SYT2: variants seen among roughly 807,000 people sequenced by gnomAD.
The protein encoded by SYT2 is synaptotagmin 2.
A neutral mutation model predicts 39.9 loss-of-function variants in SYT2; 15 were observed. The observed-to-expected ratio is 0.38, with a 90% CI of 0.25 to 0.58. The LOEUF is 0.58. Among genes scored for constraint, SYT2 ranks in the 20% least tolerant of loss-of-function variants. The pLI is 0.70. For synonymous variants in SYT2, 181 were observed against 204.5 expected, an observed-to-expected ratio of 0.89 and a Z score of 0.98; for missense variants, 389 against 530.3, an observed-to-expected ratio of 0.73 and a Z score of 2.62.
rs547323175 is a variant in SYT2, at chr1:202,637,818, A to T, written c.-17-32029T>A. 1.1e-3 allele frequency among the ~76,000 whole-genome samples: 162 copies of T among 152,256 alleles called. 1 individual carries two copies. Among genetic ancestry groups the T allele is most frequent in the South Asian group, 2.7e-3 (13 of 4,824 alleles). ...TACTCTGGCTTTCTGGTCTCCAAGGACTGCCGGCCCTGATGATCAATTTGG... is the reference window on the plus strand; with the variant it reads ...TACTCTGGCTTTCTGGTCTCCAAGGTCTGCCGGCCCTGATGATCAATTTGG... On this transcript the variant is annotated intron_variant, in intron 1 of 8. Transcript: ENST00000367268.
intron 1 of SYT2, among the ~76,000 whole-genome samples, chr1:202,647,795 T>A (rs1692117216): frequency 6.6e-6 from 1 of 152,102 alleles, no homozygotes; most frequent in South Asian, 2.1e-4. Context: ...TCACTAGTGC[T>A]AAGAGAGACC....
At chr1:202,646,262 T>C (rs766232222) in intron 1 of SYT2, among the ~76,000 whole-genome samples, 68 of 152,228 alleles carry the variant, frequency 4.5e-4, no homozygotes, top group Non-Finnish European at 4.6e-4. Context: ...ACTGTCTCCT[T>C]GCAGGGCCCA....
At position 202,592,611 on chromosome 1, in the gene SYT2, A is replaced by G. The variant is rs757751204; in HGVS notation, c.*4146T>C. On this transcript the variant is annotated 3_prime_UTR_variant, in exon 9 of 9. Coordinates refer to ENST00000367268, the MANE Select transcript of SYT2 (RefSeq NM_177402.5). The stretch of plus-strand genomic sequence containing the variant: ...TATCTTCTTTTATATATAATTAAAT[A>G]TACACGGATGGGGGCAGATGAGGCT... The G allele has an allele frequency of 1.1e-4, 17 of 152,232 alleles. No individual in the cohort carries two copies. Among genetic ancestry groups the G allele is most frequent in the African/African-American group, 1.7e-4 (7 of 41,456 alleles). The allele number at this position is 152,232 out of a possible 1,614,324, so 9.4% of individuals were successfully genotyped here.
At position 202,628,192 on chromosome 1, in the gene SYT2, T is replaced by C. The variant is rs1691472755; in HGVS notation, c.-17-22403A>G. The stretch of plus-strand genomic sequence containing the variant: ...TGAGGTGGGGACTGTGATTCCCATT[T>C]TGTAATTGAGGAAACTGGGCCTCAG... On this transcript the variant is annotated intron_variant, in intron 1 of 8. Transcript: ENST00000367268. This position sits in a 1 kb window ranked among gnomAD's most constrained non-coding sequence, Gnocchi z 4.2. 6.6e-6 allele frequency among the ~76,000 whole-genome samples: 1 copy of C among 152,162 alleles called. No individual in the cohort carries two copies. Among genetic ancestry groups the C allele is most frequent in the Admixed American group, 6.5e-5 (1 of 15,278 alleles).
intron 1 of SYT2, among the ~76,000 whole-genome samples, chr1:202,629,875 G>GGGGC (rs1691525872): frequency 8.0e-6 from 1 of 125,042 alleles, no homozygotes; most frequent in Non-Finnish European, 1.8e-5. Context: ...GGTGGGGGGG[G>GGGGC]GGGGGTGGTA....
Position 202,616,954 on chromosome 1 carries a change from G to A in SYT2, c.-17-11165C>T, listed in dbSNP as rs1018124059. The stretch of plus-strand genomic sequence containing the variant: ...CTCTTGCTCGCCTCCAGTCAGTTCC[G>A]TATTTGCCACCAAGGCAATCTTCAT... On this transcript the variant is annotated intron_variant, in intron 1 of 8. Coordinates refer to ENST00000367268, the MANE Select transcript of SYT2 (RefSeq NM_177402.5). 4.6e-5 allele frequency among the ~76,000 whole-genome samples: 7 copies of A among 152,278 alleles called. No individual in the cohort carries two copies. The South Asian group carries it at 1.0e-3, about 23-fold the overall frequency.
intron 1 of SYT2, chr1:202,630,555 G>C (rs377108207): frequency 1.0e-5 from 2 of 193,398 alleles, no homozygotes; most frequent in East Asian, 3.7e-4. Context: ...GTCCACCTGG[G>C]TGGGTGTCTG....
At chr1:202,618,630 T>C (rs185795720) in intron 1 of SYT2, among the ~76,000 whole-genome samples, 3 of 152,262 alleles carry the variant, frequency 2.0e-5, no homozygotes, top group Admixed American at 1.3e-4. Context: ...CAGCTTTTAT[T>C]CCTAAACCCT....
At chr1:202,707,495 T>C (rs932912964) in intron 1 of SYT2, among the ~76,000 whole-genome samples, 1 of 152,154 alleles carries the variant, frequency 6.6e-6, no homozygotes, top group Admixed American at 6.5e-5. Context: ...CTGCCTAGAC[T>C]GGGGAAGTCC....
chr1:202,667,683 A>T (rs893441925), intron 1 of SYT2, among the ~76,000 whole-genome samples: 25 of 152,034 alleles, frequency 1.6e-4, no homozygotes, highest in African/African-American at 5.8e-4. Context: ...TAGGCTTCTC[A>T]GATATTTTCT....
At chr1:202,683,450 G>A (rs914960422) in intron 1 of SYT2, among the ~76,000 whole-genome samples, 4 of 152,196 alleles carry the variant, frequency 2.6e-5, no homozygotes, top group Non-Finnish European at 5.9e-5. Context: ...ACAAAAGAGT[G>A]TATACTGGCG....
chr1:202,691,924 G>A (rs984995042), intron 1 of SYT2, among the ~76,000 whole-genome samples: 1 of 152,018 alleles, frequency 6.6e-6, no homozygotes, highest in East Asian at 1.9e-4. Context: ...CCCTGCTACA[G>A]GCATACAAGG....
Position 202,596,616 on chromosome 1 carries a change from AGAAAAACAAG to A in SYT2, c.*131_*140del, listed in dbSNP as rs200478576. 14,563 of 831,616 alleles carry A rather than the reference AGAAAAACAAG, an allele frequency of 0.018. 189 individuals carry two copies. The highest frequency in any genetic ancestry group is 0.023 in the Non-Finnish European group (12,796 of 553,944). The allele number at this position is 831,616 out of a possible 1,614,324, so 51.5% of individuals were successfully genotyped here. On this transcript the variant is annotated 3_prime_UTR_variant, in exon 9 of 9. Transcript: ENST00000367268. ...CAAAGGGAAGTTGGTCTTTAAAAAG[AGAAAAACAAG>A]GAAAAACAAGGACACAACCACCCAA...
Position 202,601,768 on chromosome 1 carries a change from A to C in SYT2, c.801+122T>G. On this transcript the variant is annotated intron_variant, in intron 6 of 8. Transcript: ENST00000367268. The surrounding 1 kb of genome is among the most constrained non-coding windows in gnomAD (Gnocchi z 4.0). ...AGGGTCACACAGCCAGGCAGTGTGG[A>C]GCTGGGATCCTAACACAGGTCGTCT... The C allele has an allele frequency of 9.7e-7, 1 of 1,031,568 alleles. No homozygotes were observed. The allele number at this position is 1,031,568 out of a possible 1,614,324, so 63.9% of individuals were successfully genotyped here.
At chr1:202,657,668 C>T (rs768985846) in intron 1 of SYT2, among the ~76,000 whole-genome samples, 5 of 152,024 alleles carry the variant, frequency 3.3e-5, no homozygotes, top group Non-Finnish European at 5.9e-5. Flanking sequence ...TTGGCCTCCC[C>T]CTTCCCCTGG....
rs1314006980 is a variant in SYT2, at chr1:202,628,907, G to A, written c.-17-23118C>T. On this transcript the variant is annotated intron_variant, in intron 1 of 8. Transcript: ENST00000367268. This position sits in a 1 kb window ranked among gnomAD's most constrained non-coding sequence, Gnocchi z 4.2. ...CTTTTAGCCATGGGAACTTGAACAGGTTGCTTAACCTCTCTGGGCCTCAGC... is the reference window on the plus strand; with the variant it reads ...CTTTTAGCCATGGGAACTTGAACAGATTGCTTAACCTCTCTGGGCCTCAGC... Among the ~76,000 whole-genome samples the A allele has an allele frequency of 6.6e-6, 1 of 152,208 alleles. No individual in the cohort carries two copies. The highest frequency in any genetic ancestry group is 2.4e-5 in the African/African-American group (1 of 41,444).
intron 1 of SYT2, among the ~76,000 whole-genome samples, chr1:202,641,031 C>T (rs1304033688): frequency 1.3e-5 from 2 of 152,236 alleles, no homozygotes; most frequent in Non-Finnish European, 2.9e-5. Flanking sequence ...CAAGTATTTA[C>T]ATATGCTTCT....
intron 1 of SYT2, among the ~76,000 whole-genome samples, chr1:202,709,159 G>A (rs915076392): frequency 6.6e-6 from 1 of 152,128 alleles, no homozygotes; most frequent in South Asian, 2.1e-4. Context: ...ACCTGCCCAC[G>A]GGGCCTCTGC....
chr1:202,660,475 A>C (rs1398435169), intron 1 of SYT2, among the ~76,000 whole-genome samples: 1 of 152,118 alleles, frequency 6.6e-6, no homozygotes, highest in Non-Finnish European at 1.5e-5. Flanking sequence ...TTCACCAAAT[A>C]GCTCCCAGAC....
Sources: allele counts gnomAD v4.1 joint callset (sites outside exome capture counted in the v4.1 genomes callset), GRCh38; gene constraint gnomAD v4.1.1; non-coding constraint Gnocchi (gnomAD v3.1); transcripts MANE v1.5; gene names NCBI Gene and HGNC (gene_info 2026-07-23, HGNC 2026-07-21).